Variants in SLC1A2 observed in about 807,000 individuals in gnomAD.
SLC1A2 encodes solute carrier family 1 member 2.
SLC1A2 carries 15 observed loss-of-function variants against 48.8 expected under a neutral mutation model. That is an observed-to-expected ratio of 0.31 (90% CI 0.21 to 0.47). The LOEUF is 0.47. Ranked by LOEUF, SLC1A2 falls within the 20% of genes least tolerant of loss-of-function variation. The pLI is 0.99. For synonymous variants in SLC1A2, 279 were observed against 272.6 expected (o/e 1.02, Z -0.23); for missense variants, 502 against 730.5 (o/e 0.69, Z 3.61).
intron 8 of SLC1A2, among the ~76,000 whole-genome samples, chr11:35,281,380 T>G (rs1267854793): frequency 5.3e-5 from 8 of 152,166 alleles, no homozygotes; most frequent in Non-Finnish European, 1.5e-5. Flanking sequence ...ACTGCATTCA[T>G]TTCTGCTTAC....
chr11:35,252,085 A>C lies in SLC1A2; in HGVS notation c.*8809T>G, dbSNP rs1010763873. The C allele has an allele frequency of 2.0e-5, 3 of 152,556 alleles. No homozygotes were observed. The highest frequency in any genetic ancestry group is 7.2e-5 in the African/African-American group (3 of 41,418). 9.5% of individuals were successfully genotyped at this position (152,556 alleles called of 1,614,324 possible). On this transcript the variant is annotated 3_prime_UTR_variant, in exon 11 of 11. Coordinates refer to ENST00000278379, the MANE Select transcript of SLC1A2 (RefSeq NM_004171.4). ...CCCTCTACAACCGCATAAGCTGTACACTCACTATTCCTGTGCTTCTAGTGC... is the reference window on the plus strand; with the variant it reads ...CCCTCTACAACCGCATAAGCTGTACCCTCACTATTCCTGTGCTTCTAGTGC...
intron 1 of SLC1A2, among the ~76,000 whole-genome samples, chr11:35,355,361 C>T (rs1244338373): frequency 6.6e-6 from 1 of 152,248 alleles, no homozygotes; most frequent in Non-Finnish European, 1.5e-5. Flanking sequence ...CACCCTCCTA[C>T]TGCATCTTCA....
chr11:35,387,414 A>C (rs1216405002), intron 1 of SLC1A2, among the ~76,000 whole-genome samples: 1 of 152,168 alleles, frequency 6.6e-6, no homozygotes, highest in Non-Finnish European at 1.5e-5. Context: ...ATGAGGAGGC[A>C]AGAACATCCC....
intron 4 of SLC1A2, 150 bp downstream of exon 4, chr11:35,312,048 A>C: frequency 1.3e-6 from 1 of 779,808 alleles, no homozygotes; most frequent in Non-Finnish European, 2.1e-6. Context: ...ATCCTGCCCT[A>C]AACCACCTCA....
intron 1 of SLC1A2, among the ~76,000 whole-genome samples, chr11:35,386,493 T>A (rs1380872430): frequency 6.6e-6 from 1 of 152,194 alleles, no homozygotes; most frequent in Non-Finnish European, 1.5e-5. Context: ...GGCATCAATA[T>A]GTTACTACTC....
In SLC1A2 at chr11:35,301,585, T is replaced by G; in HGVS notation, c.791A>C (p.Lys264Thr). The G allele has an allele frequency of 3.1e-6, 5 of 1,613,750 alleles. No individual in the cohort carries two copies. The highest frequency in any genetic ancestry group is 4.2e-6 in the Non-Finnish European group (5 of 1,179,678). Residue 264 changes from lysine (K) to threonine (T), a missense_variant, in exon 6 of 11, where the codon AAG becomes ACG. Coordinates refer to ENST00000278379, the MANE Select transcript of SLC1A2 (RefSeq NM_004171.4). ...IAMGKMGDQA[K>T]LMVDFFNILN... is the part of the protein sequence containing the mutation. The stretch of plus-strand genomic sequence containing the variant: ...AATGTTGAAGAAATCCACCATCAGC[T>G]TGGCCTGATCTCCCATCTTCCCCAT...
At chr11:35,261,434 A>G (rs1950392480) in intron 10 of SLC1A2, among the ~76,000 whole-genome samples, 1 of 152,234 alleles carries the variant, frequency 6.6e-6, no homozygotes, top group Non-Finnish European at 1.5e-5. Flanking sequence ...AAATCATGAC[A>G]TTTCAGCTGT....
intron 1 of SLC1A2, among the ~76,000 whole-genome samples, chr11:35,353,596 A>G (rs1337921104): frequency 6.6e-6 from 1 of 152,192 alleles, no homozygotes; most frequent in Non-Finnish European, 1.5e-5. Flanking sequence ...TCTAATAGAG[A>G]GCTCGAAGAC....
intron 1 of SLC1A2, among the ~76,000 whole-genome samples, chr11:35,318,711 T>C (rs1235082614): frequency 6.6e-6 from 1 of 152,178 alleles, no homozygotes; most frequent in Non-Finnish European, 1.5e-5. Context: ...AAATGCCTGA[T>C]GCCTACTTCA....
At chr11:35,334,793 G>T (rs1029582941) in intron 1 of SLC1A2, among the ~76,000 whole-genome samples, 1 of 151,908 alleles carries the variant, frequency 6.6e-6, no homozygotes, top group Non-Finnish European at 1.5e-5. Context: ...CTCACAGCTT[G>T]TAGAGTCTGG....
intron 4 of SLC1A2, among the ~76,000 whole-genome samples, chr11:35,309,385 T>C (rs1851616363): frequency 6.6e-6 from 1 of 152,188 alleles, no homozygotes; most frequent in Admixed American, 6.5e-5. Flanking sequence ...ATCACGGAAT[T>C]TTCTGGAGGA....
intron 1 of SLC1A2, among the ~76,000 whole-genome samples, chr11:35,342,849 T>C (rs1852892481): frequency 6.6e-6 from 1 of 152,204 alleles, no homozygotes; most frequent in Non-Finnish European, 1.5e-5. Context: ...ATGCAGCATC[T>C]CTTTTCTGAA....
intron 1 of SLC1A2, chr11:35,399,811 T>C (rs929928952): frequency 2.6e-5 from 4 of 152,450 alleles, no homozygotes; most frequent in African/African-American, 9.7e-5. Flanking sequence ...CAGAAAGAAA[T>C]TAGAGAATGT....
intron 1 of SLC1A2, among the ~76,000 whole-genome samples, chr11:35,334,532 C>T (rs76463421): frequency 0.057 from 8,729 of 152,186 alleles, 371 homozygotes; most frequent in African/African-American, 0.12. Flanking sequence ...GCAAGTGATG[C>T]GTCATCTCAC....
chr11:35,310,622 T>G lies in SLC1A2; in HGVS notation c.561+1576A>C, dbSNP rs118121549. On this transcript the variant is annotated intron_variant, in intron 4 of 10. Coordinates refer to ENST00000278379, the MANE Select transcript of SLC1A2 (RefSeq NM_004171.4). ...ATACATACTTTTCTTCTAAGCAAAC[T>G]GTTTCCTAAGCTCATTCTTCTGTGC... is the stretch of plus-strand genomic sequence containing the variant. Among the ~76,000 whole-genome samples, 701 of 152,350 alleles carry G rather than the reference T, an allele frequency of 4.6e-3. 3 individuals are homozygous for G. Among genetic ancestry groups the G allele is most frequent in the Non-Finnish European group, 6.2e-3 (425 of 68,032 alleles).
chr11:35,299,451 A>T (rs1851283779), intron 6 of SLC1A2: 2 of 152,094 alleles, frequency 1.3e-5, no homozygotes, highest in South Asian at 4.2e-4. Flanking sequence ...AATATCCAGA[A>T]ATCTAGCATT....
chr11:35,313,093 G>A (rs1360285509), intron 3 of SLC1A2, among the ~76,000 whole-genome samples: 2 of 151,688 alleles, frequency 1.3e-5, no homozygotes, highest in African/African-American at 2.4e-5. Flanking sequence ...ATTTTTTTTG[G>A]TCTTAACATC....
chr11:35,356,308 G>C (rs1044108502), intron 1 of SLC1A2, among the ~76,000 whole-genome samples: 4 of 152,176 alleles, frequency 2.6e-5, no homozygotes, highest in Admixed American at 2.0e-4. Context: ...TTATGGGCAG[G>C]TGTGTGTTTG....
chr11:35,315,057 G>A lies in SLC1A2; in HGVS notation c.276C>T (p.Leu92=), dbSNP rs369432855. Residue 92 remains leucine, a synonymous_variant, in exon 3 of 11, where the codon CTC becomes CTT. Transcript: ENST00000278379. The part of the protein sequence containing the change: ...GDILMRMLKM[L]ILPLIISSLI... The stretch of plus-strand genomic sequence containing the variant: ...AGCTGGAGATGATTAGAGGGAGAAT[G>A]AGCATTTTTAGCATCCTCATGAGTA... 4 of 1,613,074 alleles carry A rather than the reference G, an allele frequency of 2.5e-6. No individual in the cohort carries two copies. In the African/African-American group the frequency reaches 4.0e-5, roughly 16 times the overall value.
Sources: allele counts gnomAD v4.1 joint callset (sites outside exome capture counted in the v4.1 genomes callset), GRCh38; gene constraint gnomAD v4.1.1; transcripts MANE v1.5; gene names NCBI Gene and HGNC (gene_info 2026-07-23, HGNC 2026-07-21).